ITPR2: variants seen among roughly 807,000 people sequenced by gnomAD.
ITPR2 encodes inositol 1,4,5-trisphosphate-gated calcium channel ITPR2.
Under a neutral mutation model 317.1 loss-of-function variants are expected in ITPR2, and 207 were observed. The ratio of observed to expected loss-of-function variants is 0.65; its 90% CI spans 0.58 to 0.73. The LOEUF (loss-of-function observed/expected upper bound fraction) is 0.73. Among genes scored for constraint, ITPR2 ranks in the 30% least tolerant of loss-of-function variants. The pLI is 0.00. For missense variants in ITPR2, 2,613 were observed against 3,284.0 expected, an observed-to-expected ratio of 0.80 and a Z score of 4.99; for synonymous variants, 1,156 against 1,149.1, an observed-to-expected ratio of 1.01 and a Z score of -0.12.
At chr12:26,745,787 T>G (rs945373170) in intron 2 of ITPR2, among the ~76,000 whole-genome samples, 9 of 152,220 alleles carry the variant, frequency 5.9e-5, no homozygotes, top group Non-Finnish European at 1.5e-5. Flanking sequence ...CAGAATGGTT[T>G]CTCACTCATA....
chr12:26,802,592 TATAG>T (rs1336164642), intron 1 of ITPR2, among the ~76,000 whole-genome samples: 1 of 9,612 alleles, frequency 1.0e-4, no homozygotes, highest in Non-Finnish European at 2.5e-4. Context: ...TATATCTATA[TATAG>T]ATATAGATAT....
intron 2 of ITPR2, among the ~76,000 whole-genome samples, chr12:26,746,191 AACAC>A (rs71437307): frequency 1.3e-4 from 19 of 150,454 alleles, no homozygotes; most frequent in African/African-American, 2.7e-4. Context: ...GTATTCCTAC[AACAC>A]ACACACACAC....
intron 34 of ITPR2, among the ~76,000 whole-genome samples, chr12:26,564,659 C>G (rs1025039995): frequency 6.6e-6 from 1 of 152,142 alleles, no homozygotes; most frequent in African/African-American, 2.4e-5. Flanking sequence ...GAGGGACACA[C>G]ACGATGTGAA....
At chr12:26,442,539 C>A (rs1941510403) in intron 46 of ITPR2, among the ~76,000 whole-genome samples, 1 of 152,162 alleles carries the variant, frequency 6.6e-6, no homozygotes, top group Non-Finnish European at 1.5e-5. Flanking sequence ...CTCTTCTGAT[C>A]TCCTAGCTTT....
chr12:26,346,516 G>A (rs1049308139), intron 55 of ITPR2, among the ~76,000 whole-genome samples: 4 of 152,008 alleles, frequency 2.6e-5, no homozygotes, highest in East Asian at 1.9e-4. Flanking sequence ...CCAGCTACTC[G>A]AGAAGCTGAG....
chr12:26,654,695 C>T (rs975284547), intron 20 of ITPR2, among the ~76,000 whole-genome samples: 1 of 138,034 alleles, frequency 7.2e-6, no homozygotes, highest in Non-Finnish European at 1.6e-5. Context: ...ATCTTGTACT[C>T]TCTCTCTCTC....
intron 2 of ITPR2, among the ~76,000 whole-genome samples, chr12:26,782,197 T>C (rs534515168): frequency 4.0e-5 from 6 of 151,834 alleles, no homozygotes; most frequent in African/African-American, 1.2e-4. Flanking sequence ...GAACGCTGAC[T>C]AACAGAGGTT....
At chr12:26,442,209 T>C (rs577350918) in intron 46 of ITPR2, among the ~76,000 whole-genome samples, 18 of 152,246 alleles carry the variant, frequency 1.2e-4, no homozygotes, top group Admixed American at 3.3e-4. Context: ...GAGAAACTCG[T>C]ACTCAATCTT....
At chr12:26,804,005 A>C (rs999666925) in intron 1 of ITPR2, among the ~76,000 whole-genome samples, 1 of 152,176 alleles carries the variant, frequency 6.6e-6, no homozygotes, top group African/African-American at 2.4e-5. Context: ...AATATGTGCA[A>C]CTATTATATA....
At chr12:26,586,156 A>AT (rs1945521368) in intron 32 of ITPR2, among the ~76,000 whole-genome samples, 2 of 151,900 alleles carry the variant, frequency 1.3e-5, no homozygotes, top group Admixed American at 1.3e-4. Flanking sequence ...TTATTCATTT[A>AT]TTTTCAGAGA....
At chr12:26,441,609 G>A (rs1261800197) in intron 46 of ITPR2, among the ~76,000 whole-genome samples, 3 of 152,178 alleles carry the variant, frequency 2.0e-5, no homozygotes, top group Non-Finnish European at 4.4e-5. Flanking sequence ...CTTCAGATGA[G>A]TGCAAGAGCT....
intron 2 of ITPR2, among the ~76,000 whole-genome samples, chr12:26,728,438 A>C (rs1438811943): frequency 2.6e-5 from 4 of 152,218 alleles, no homozygotes; most frequent in African/African-American, 9.6e-5. Flanking sequence ...AGTCCCTTTC[A>C]GCAGCCTCCC....
At chr12:26,418,010 A>G (rs1029543323) in intron 50 of ITPR2, among the ~76,000 whole-genome samples, 1 of 152,240 alleles carries the variant, frequency 6.6e-6, no homozygotes, top group African/African-American at 2.4e-5. Context: ...TTAGATTGTT[A>G]GAACGGAAAA....
At chr12:26,340,686 T>C (rs1479565287) in intron 55 of ITPR2, among the ~76,000 whole-genome samples, 1 of 151,902 alleles carries the variant, frequency 6.6e-6, no homozygotes, top group South Asian at 2.1e-4. Flanking sequence ...GCATGCACTG[T>C]TTCTCTTTCC....
intron 37 of ITPR2, among the ~76,000 whole-genome samples, chr12:26,527,912 T>C (rs1943849022): frequency 6.6e-6 from 1 of 152,190 alleles, no homozygotes; most frequent in African/African-American, 2.4e-5. Context: ...GTGATACCTT[T>C]GGCCTCTCTC....
intron 37 of ITPR2, among the ~76,000 whole-genome samples, chr12:26,532,789 C>T (rs975720397): frequency 1.3e-5 from 2 of 152,062 alleles, no homozygotes; most frequent in African/African-American, 2.4e-5. Context: ...TGGGTTCAAG[C>T]GATTCTCTAT....
At chr12:26,348,999 T>C (rs1395584504) in intron 55 of ITPR2, among the ~76,000 whole-genome samples, 1 of 152,068 alleles carries the variant, frequency 6.6e-6, no homozygotes, top group Non-Finnish European at 1.5e-5. Flanking sequence ...AATTAAACAA[T>C]TAACTGTGTG....
At chr12:26,825,075 T>C (rs1950990220) in intron 1 of ITPR2, among the ~76,000 whole-genome samples, 1 of 151,984 alleles carries the variant, frequency 6.6e-6, no homozygotes, top group Non-Finnish European at 1.5e-5. Context: ...CTACTAAAAA[T>C]ACAATAAATT....
chr12:26,782,017 TATATATATATATATATGTATAGAGAG>T (rs1198131081), intron 2 of ITPR2, among the ~76,000 whole-genome samples: 36 of 48,002 alleles, frequency 7.5e-4, no homozygotes, highest in Admixed American at 7.7e-4. Context: ...TATATATATA[TATATATATATATATATGTATAGAGAG>T]AGAGAGAGAG....
Sources: allele counts gnomAD v4.1 joint callset (sites outside exome capture counted in the v4.1 genomes callset), GRCh38; gene constraint gnomAD v4.1.1; transcripts MANE v1.5; gene names NCBI Gene and HGNC (gene_info 2026-07-23, HGNC 2026-07-21).